FRYL: variants seen among roughly 807,000 people sequenced by gnomAD.
The protein encoded by FRYL is FRY like transcription coactivator.
FRYL carries 150 observed loss-of-function variants against 351.2 expected under a neutral mutation model. The ratio of observed to expected loss-of-function variants is 0.43; its 90% CI spans 0.37 to 0.49. The LOEUF (loss-of-function observed/expected upper bound fraction) is 0.49. Among genes scored for constraint, FRYL ranks in the 20% least tolerant of loss-of-function variants. FRYL has a pLI of 0.00. For missense variants in FRYL, 3,036 were observed against 3,619.3 expected (o/e 0.84, Z 4.13); for synonymous variants, 1,153 against 1,257.1 (o/e 0.92, Z 1.75).
intron 40 of FRYL, among the ~76,000 whole-genome samples, chr4:48,548,172 T>C (rs776960473): frequency 1.2e-4 from 18 of 152,210 alleles, no homozygotes; most frequent in Non-Finnish European, 2.2e-4. Context: ...GGAAAACTTA[T>C]AAGGAGATGG....
rs1228076476 is a variant in FRYL at position 48,567,836 on chromosome 4, A to T, written c.2997-416T>A. ...TTCATATTGTGCCTTCAGCATAATTAAATATCTATTAGTCACTTAGTAACA... is the reference window on the plus strand; with the variant it reads ...TTCATATTGTGCCTTCAGCATAATTTAATATCTATTAGTCACTTAGTAACA... On this transcript the variant is annotated intron_variant, in intron 27 of 63. Coordinates refer to ENST00000358350, the MANE Select transcript of FRYL (RefSeq NM_015030.2). This position sits in a 1 kb window ranked among gnomAD's most constrained non-coding sequence, Gnocchi z 4.2. Among the ~76,000 whole-genome samples the T allele has an allele frequency of 2.0e-5, 3 of 152,254 alleles. No individual in the cohort carries two copies. Among genetic ancestry groups the T allele is most frequent in the Non-Finnish European group, 4.4e-5 (3 of 68,046 alleles).
chr4:48,557,009 C>T lies in FRYL; in HGVS notation c.4235G>A (p.Gly1412Glu). 9.3e-6 allele frequency: 15 copies of T among 1,605,074 alleles called. No homozygotes were observed. Among genetic ancestry groups the T allele is most frequent in the Non-Finnish European group, 1.3e-5 (15 of 1,175,050 alleles). ...CAAGAGGCTTGGTTCGCTATTCACC[C>T]CACAAATGCTGATCAAAAAGTGCAA... ...IILHFLISIC[G>E]VNSEPSLLPY... The change falls in exon 35 of 64, where the codon GGG (glycine) becomes GAG (glutamate). Residue 1412 changes from glycine (G) to glutamate (E), a missense_variant. Physicochemically the swap from Gly to Glu is moderately conservative, Grantham distance 98. Around this residue, in one of 7 missense-constraint regions of FRYL, gnomAD observed 1,987 missense variants for 2,311.7 expected, o/e 0.86. Transcript: ENST00000358350.
intron 20 of FRYL, 45 bp from the exon 21 acceptor site, chr4:48,581,650 A>C: frequency 6.7e-7 from 1 of 1,483,550 alleles, no homozygotes. Flanking sequence ...ATATATGCAC[A>C]GACATTTCCG....
chr4:48,742,695 G>A (rs1772225295), intron 1 of FRYL, among the ~76,000 whole-genome samples: 1 of 152,092 alleles, frequency 6.6e-6, no homozygotes, highest in Non-Finnish European at 1.5e-5. Context: ...ACCATCACTA[G>A]CCCCCAAAAA....
At chr4:48,743,479 TG>T (rs1382745039) in intron 1 of FRYL, among the ~76,000 whole-genome samples, 1 of 152,150 alleles carries the variant, frequency 6.6e-6, no homozygotes, top group Non-Finnish European at 1.5e-5. Context: ...AGCCCAGAAA[TG>T]TTTGCCCATG....
intron 1 of FRYL, among the ~76,000 whole-genome samples, chr4:48,755,833 C>T (rs1245917307): frequency 2.6e-5 from 4 of 151,910 alleles, no homozygotes; most frequent in Non-Finnish European, 5.9e-5. Context: ...CTATCTCATG[C>T]ATTCTACTTG....
At chr4:48,632,092 A>ATATATG in intron 4 of FRYL, among the ~76,000 whole-genome samples, 1 of 9,994 alleles carries the variant, frequency 1.0e-4, no homozygotes, top group East Asian at 5.5e-3. Context: ...AAAAAAAAAA[A>ATATATG]TATATATATA....
chr4:48,547,385 G>A (rs1731598439), intron 41 of FRYL, 199 bp downstream of exon 41: 1 of 390,680 alleles, frequency 2.6e-6, no homozygotes, highest in Non-Finnish European at 4.5e-6. Flanking sequence ...GATCGTTCGA[G>A]GTAATGCAGA....
intron 50 of FRYL, among the ~76,000 whole-genome samples, chr4:48,529,025 G>T (rs1726922568): frequency 6.6e-6 from 1 of 151,980 alleles, no homozygotes; most frequent in African/African-American, 2.4e-5. Flanking sequence ...CCTCAACTAC[G>T]ACCACTTCCC....
intron 3 of FRYL, among the ~76,000 whole-genome samples, chr4:48,653,498 T>C (rs948735316): frequency 3.3e-5 from 5 of 151,852 alleles, no homozygotes; most frequent in Non-Finnish European, 7.4e-5. Context: ...GGCTGGTAAA[T>C]TTTCATCAAA....
chr4:48,605,074 T>G (rs1746490392), intron 11 of FRYL, among the ~76,000 whole-genome samples: 1 of 152,178 alleles, frequency 6.6e-6, no homozygotes, highest in South Asian at 2.1e-4. Flanking sequence ...TGTTTTCTTT[T>G]TTATAAAATG....
chr4:48,721,486 C>A (rs1259658894), intron 1 of FRYL, among the ~76,000 whole-genome samples: 1 of 151,522 alleles, frequency 6.6e-6, no homozygotes, highest in Non-Finnish European at 1.5e-5. Context: ...CATAGGGAGA[C>A]CCCATCTCTA....
Position 48,579,230 on chromosome 4 carries a change from G to C in FRYL, c.2271C>G (p.Leu757=), listed in dbSNP as rs1163927386. ...GTAAATCTATCGAGCTAGGGCAATA[G>C]AGCAAAGTAGTCTATATGGAGAGGA... ...HLTGADQTTL[L]YCPSSIDLQT... is the part of the protein sequence containing the mutation. The change falls in exon 23 of 64, where the codon CTC becomes CTG. Residue 757 remains leucine (L), a synonymous_variant. Transcript: ENST00000358350. 8 of 1,609,150 alleles carry C rather than the reference G, an allele frequency of 5.0e-6. No homozygotes were observed. The East Asian group carries it at 6.7e-5, about 13-fold the overall frequency.
intron 4 of FRYL, among the ~76,000 whole-genome samples, chr4:48,633,838 T>C (rs890018696): frequency 6.6e-6 from 1 of 152,002 alleles, no homozygotes; most frequent in African/African-American, 2.4e-5. Flanking sequence ...AACCACCATA[T>C]TATCCATCAC....
chr4:48,573,816 G>A (rs186502670), intron 25 of FRYL, among the ~76,000 whole-genome samples: 1 of 152,266 alleles, frequency 6.6e-6, no homozygotes, highest in Admixed American at 6.5e-5. Context: ...CTCCCAAAGT[G>A]TTGGGATTAC....
intron 1 of FRYL, among the ~76,000 whole-genome samples, chr4:48,711,791 C>T (rs113983152): frequency 6.6e-6 from 1 of 152,116 alleles, no homozygotes; most frequent in East Asian, 1.9e-4. Flanking sequence ...CCTGACCCCC[C>T]GAGCAGTCTA....
intron 1 of FRYL, among the ~76,000 whole-genome samples, chr4:48,714,328 C>A: frequency 7.2e-6 from 1 of 139,318 alleles, no homozygotes; most frequent in Non-Finnish European, 1.6e-5. Context: ...TTAATGAATC[C>A]AGGAGCCGGT....
chr4:48,737,324 AAAAG>A (rs1470259091), intron 1 of FRYL, among the ~76,000 whole-genome samples: 2 of 151,986 alleles, frequency 1.3e-5, no homozygotes, highest in African/African-American at 4.8e-5. Context: ...CATAAACATT[AAAAG>A]AATAATTAAG....
chr4:48,613,820 G>C (rs1390073826), intron 7 of FRYL, among the ~76,000 whole-genome samples: 1 of 152,106 alleles, frequency 6.6e-6, no homozygotes, highest in Non-Finnish European at 1.5e-5. Context: ...GCCAGGCGTG[G>C]TAGCACATGC....
Sources: allele counts gnomAD v4.1 joint callset (sites outside exome capture counted in the v4.1 genomes callset), GRCh38; gene constraint gnomAD v4.1.1; regional missense constraint gnomAD v4.1.1; non-coding constraint Gnocchi (gnomAD v3.1); transcripts MANE v1.5; gene names NCBI Gene and HGNC (gene_info 2026-07-23, HGNC 2026-07-21).